ADD3: variants seen among roughly 807,000 people sequenced by gnomAD.
ADD3 encodes the protein gamma-adducin.
Under a neutral mutation model 80.2 loss-of-function variants are expected in ADD3, and 25 were observed. The observed-to-expected ratio is 0.31, with a 90% CI of 0.23 to 0.44. The LOEUF is 0.44. Among genes scored for constraint, ADD3 ranks in the 20% least tolerant of loss-of-function variants. The probability of loss-of-function intolerance (pLI) is 1.00; values close to 1 mark genes in which losing one functional copy is unlikely to be tolerated. For missense variants in ADD3, 829 were observed against 847.5 expected, an observed-to-expected ratio of 0.98 and a Z score of 0.27; for synonymous variants, 284 against 289.6, an observed-to-expected ratio of 0.98 and a Z score of 0.20.
intron 1 of ADD3, among the ~76,000 whole-genome samples, chr10:110,032,926 T>C (rs1332785291): frequency 3.9e-5 from 6 of 152,216 alleles, no homozygotes; most frequent in Admixed American, 2.6e-4. Flanking sequence ...TAAGAGAAGT[T>C]AGAGTTAAAT....
intron 1 of ADD3, among the ~76,000 whole-genome samples, chr10:109,997,781 T>C (rs545457017): frequency 6.6e-6 from 1 of 152,370 alleles, no homozygotes; most frequent in South Asian, 2.1e-4. Context: ...TCTAAACTTG[T>C]AGTCCACTGC....
chr10:110,067,358 A>C (rs776814297), intron 1 of ADD3, among the ~76,000 whole-genome samples: 1 of 152,148 alleles, frequency 6.6e-6, no homozygotes, highest in Non-Finnish European at 1.5e-5. Context: ...ATTACTTCTC[A>C]TTTGCAGTTT....
intron 1 of ADD3, among the ~76,000 whole-genome samples, chr10:110,038,239 T>C (rs894672498): frequency 4.6e-5 from 7 of 152,122 alleles, no homozygotes; most frequent in Non-Finnish European, 7.3e-5. Context: ...TTACATGTAG[T>C]TCAGTGTGGA....
At position 110,120,922 on chromosome 10, in the gene ADD3, G is replaced by C. The variant is rs185588556; in HGVS notation, c.961-1188G>C. ...GGAAAGGATTCCCTATTTAATAAATGGTGCTGGGAAAACTGGCTAGCCATA... is the reference window on the plus strand; with the variant it reads ...GGAAAGGATTCCCTATTTAATAAATCGTGCTGGGAAAACTGGCTAGCCATA... On this transcript the variant is annotated intron_variant, in intron 8 of 14. Transcript: ENST00000356080. 5.6e-3 allele frequency among the ~76,000 whole-genome samples: 854 copies of C among 152,030 alleles called. 8 individuals are homozygous for C. Among genetic ancestry groups the C allele is most frequent in the Middle Eastern group, 0.014 (4 of 294 alleles).
At chr10:110,015,712 T>C (rs1351357894) in intron 1 of ADD3, among the ~76,000 whole-genome samples, 2 of 152,158 alleles carry the variant, frequency 1.3e-5, no homozygotes, top group African/African-American at 2.4e-5. Context: ...ATCAAATTTA[T>C]TTTCAGTTAA....
At chr10:110,025,653 CAGTCTGAT>C (rs1318303129) in intron 1 of ADD3, among the ~76,000 whole-genome samples, 2 of 152,110 alleles carry the variant, frequency 1.3e-5, no homozygotes, top group African/African-American at 4.8e-5. Flanking sequence ...GTGAAGAACC[CAGTCTGAT>C]TAAAGGAAGT....
intron 3 of ADD3, among the ~76,000 whole-genome samples, chr10:110,115,080 TAAAA>T (rs752916695): frequency 4.7e-5 from 4 of 84,898 alleles, no homozygotes; most frequent in Non-Finnish European, 7.4e-5. Context: ...CCCCTGCCTC[TAAAA>T]AAAAAAAAAA....
chr10:110,050,226 G>A (rs1391118339), intron 1 of ADD3, among the ~76,000 whole-genome samples: 2 of 152,136 alleles, frequency 1.3e-5, no homozygotes, highest in African/African-American at 4.8e-5. Flanking sequence ...ATATGGCTTG[G>A]CTGTGTCCCC....
At chr10:110,001,850 T>C (rs563610309), upstream of ADD3, among the ~76,000 whole-genome samples, 1 of 152,360 alleles carries the variant, frequency 6.6e-6, no homozygotes, top group Non-Finnish European at 1.5e-5. Context: ...CACCTGGTTT[T>C]AAGATCATGT....
At chr10:110,061,860 G>T (rs11194970) in intron 1 of ADD3, among the ~76,000 whole-genome samples, 18,898 of 151,990 alleles carry the variant, frequency 0.12, 3,757 homozygotes, top group African/African-American at 0.42. Flanking sequence ...AATCATTGTG[G>T]GAGTTAAAAT....
chr10:110,100,127 C>T (rs1466915800), intron 1 of ADD3, among the ~76,000 whole-genome samples: 2 of 152,016 alleles, frequency 1.3e-5, no homozygotes, highest in African/African-American at 4.8e-5. Flanking sequence ...GGTGGGCAGA[C>T]CATGAGATCA....
At position 110,134,535 on chromosome 10, in the gene ADD3, A is replaced by T. The variant is rs2134273098; in HGVS notation, c.*917A>T. ...AAAGGTACATCTAGATTCATATTTG[A>T]ATCTTAAACTGTATTTTTCTCTTAG... On this transcript the variant is annotated 3_prime_UTR_variant, in exon 15 of 15. Coordinates refer to ENST00000356080, the MANE Select transcript of ADD3 (RefSeq NM_016824.5). 6.6e-6 allele frequency: 1 copy of T among 152,592 alleles called. No individual in the cohort carries two copies. The highest frequency in any genetic ancestry group is 1.9e-4 in the East Asian group (1 of 5,186). The allele number at this position is 152,592 out of a possible 1,614,324, so 9.5% of individuals were successfully genotyped here.
intron 2 of ADD3, among the ~76,000 whole-genome samples, chr10:110,110,365 C>T (rs566910419): frequency 5.6e-4 from 85 of 152,306 alleles, no homozygotes; most frequent in African/African-American, 2.0e-3. Context: ...CAGTCCACCA[C>T]TGCCACTGTA....
chr10:110,048,123 A>T (rs1857100586), intron 1 of ADD3, among the ~76,000 whole-genome samples: 2 of 152,034 alleles, frequency 1.3e-5, no homozygotes, highest in African/African-American at 4.8e-5. Flanking sequence ...GTCTCACGAG[A>T]TGTGATGATT....
intron 5 of ADD3, among the ~76,000 whole-genome samples, chr10:110,118,075 A>ACACAC (rs1260978416): frequency 7.7e-6 from 1 of 129,818 alleles, no homozygotes; most frequent in African/African-American, 2.7e-5. Flanking sequence ...CACACACACA[A>ACACAC]TGTTCATAGC....
In ADD3 at chr10:110,112,884, T is replaced by C. The variant is rs1332827413; in HGVS notation, c.303T>C (p.Asn101=). The C allele has an allele frequency of 2.5e-6, 4 of 1,613,832 alleles. No individual in the cohort carries two copies. Among genetic ancestry groups the C allele is most frequent in the Non-Finnish European group, 3.4e-6 (4 of 1,179,966 alleles). Residue 101 remains asparagine (N), a synonymous_variant, in exon 3 of 15, where the codon AAT becomes AAC. Transcript: ENST00000356080. ...AGATTGCAGATTACATCATGGCCAA[T>C]TCTTTCTCGGGTTTTTCTTCACCTC... ...LQQIADYIMA[N]SFSGFSSPPL...
intron 1 of ADD3, among the ~76,000 whole-genome samples, chr10:110,080,302 A>T (rs1052832437): frequency 6.6e-6 from 1 of 152,310 alleles, no homozygotes; most frequent in Middle Eastern, 3.4e-3. Context: ...ATTGAAATAG[A>T]TGAGTTTTAA....
At chr10:110,082,366 G>T (rs1294912846) in intron 1 of ADD3, among the ~76,000 whole-genome samples, 2 of 152,146 alleles carry the variant, frequency 1.3e-5, no homozygotes, top group African/African-American at 2.4e-5. Flanking sequence ...TGCAGGCTTA[G>T]CTTACTCTAC....
At chr10:110,085,246 T>A (rs894633809) in intron 1 of ADD3, among the ~76,000 whole-genome samples, 2 of 152,234 alleles carry the variant, frequency 1.3e-5, no homozygotes, top group Non-Finnish European at 2.9e-5. Flanking sequence ...TGGCAGTTAA[T>A]GTCCAACACA....
Sources: allele counts gnomAD v4.1 joint callset (sites outside exome capture counted in the v4.1 genomes callset), GRCh38; gene constraint gnomAD v4.1.1; transcripts MANE v1.5; gene names NCBI Gene and HGNC (gene_info 2026-07-23, HGNC 2026-07-21).